MPPED1: variants seen among roughly 807,000 people sequenced by gnomAD.
MPPED1 encodes the protein metallophosphoesterase domain-containing protein 1.
A neutral mutation model predicts 36.2 loss-of-function variants in MPPED1; 16 were observed. The ratio of observed to expected loss-of-function variants is 0.44; its 90% CI spans 0.30 to 0.67. MPPED1 has a LOEUF of 0.67. Ranked by LOEUF, MPPED1 falls within the 30% of genes least tolerant of loss-of-function variation. MPPED1 has a pLI of 0.10. For synonymous variants in MPPED1, 199 were observed against 191.3 expected, an observed-to-expected ratio of 1.04 and a Z score of -0.33; for missense variants, 307 against 453.4, an observed-to-expected ratio of 0.68 and a Z score of 2.93.
At chr22:43,466,110 A>T (rs145474806) in intron 3 of MPPED1, among the ~76,000 whole-genome samples, 2 of 152,248 alleles carry the variant, frequency 1.3e-5, no homozygotes, top group African/African-American at 4.8e-5. Context: ...TCCTGTTTTT[A>T]AAACATTTCC....
intron 6 of MPPED1, among the ~76,000 whole-genome samples, chr22:43,504,975 A>G (rs1932779923): frequency 6.6e-6 from 1 of 150,722 alleles, no homozygotes; most frequent in Non-Finnish European, 1.5e-5. Flanking sequence ...GTGATGATAA[A>G]GGTAGTGATG....
chr22:43,472,767 A>G (rs1931419142), intron 3 of MPPED1, among the ~76,000 whole-genome samples: 1 of 147,886 alleles, frequency 6.8e-6, no homozygotes, highest in Non-Finnish European at 1.5e-5. Flanking sequence ...GGACCTGGCC[A>G]TTTGCCGTGG....
In MPPED1 at chr22:43,506,052, C is replaced by T. The variant is rs149763845; in HGVS notation, c.*436C>T. 122 of 161,918 alleles carry T rather than the reference C, an allele frequency of 7.5e-4. No individual in the cohort carries two copies. The highest frequency in any genetic ancestry group is 3.0e-3 in the Middle Eastern group (1 of 338). The allele number at this position is 161,918 out of a possible 1,614,324, so 10.0% of individuals were successfully genotyped here. A position where few individuals can be genotyped will look rare whatever the true frequency, so the allele number is the denominator to read the frequency against. ...CTGGGTTGGGGTGGGTGGGAGGATTCGTGAGCTGCACACAGACAGTCCCTT... is the reference window on the plus strand; with the variant it reads ...CTGGGTTGGGGTGGGTGGGAGGATTTGTGAGCTGCACACAGACAGTCCCTT... On this transcript the variant is annotated 3_prime_UTR_variant, in exon 7 of 7. Coordinates refer to ENST00000443721, the MANE Select transcript of MPPED1 (RefSeq NM_001044370.2).
chr22:43,450,109 G>A (rs559159527), intron 3 of MPPED1, among the ~76,000 whole-genome samples: 19 of 152,308 alleles, frequency 1.2e-4, no homozygotes, highest in African/African-American at 2.2e-4. Context: ...TTCTTCTCAC[G>A]TGTCAGTGAC....
At chr22:43,492,773 C>T (rs1427982567) in intron 4 of MPPED1, among the ~76,000 whole-genome samples, 4 of 152,128 alleles carry the variant, frequency 2.6e-5, no homozygotes, top group Non-Finnish European at 1.5e-5. Context: ...CAGCCCTCTT[C>T]CTCAAGGCCC....
At chr22:43,422,655 C>T (rs1871198767) in intron 1 of MPPED1, among the ~76,000 whole-genome samples, 1 of 152,076 alleles carries the variant, frequency 6.6e-6, no homozygotes, top group African/African-American at 2.4e-5. Flanking sequence ...CAAGGGTGTC[C>T]AGTACTCAGG....
intron 3 of MPPED1, among the ~76,000 whole-genome samples, chr22:43,458,613 C>T (rs1930838798): frequency 6.6e-6 from 1 of 152,120 alleles, no homozygotes; most frequent in Non-Finnish European, 1.5e-5. Flanking sequence ...ACCTGTGTAG[C>T]TACCTTTACC....
At chr22:43,444,688 A>C (rs1930274606) in intron 3 of MPPED1, among the ~76,000 whole-genome samples, 2 of 150,920 alleles carry the variant, frequency 1.3e-5, no homozygotes, top group African/African-American at 4.9e-5. Flanking sequence ...TTTTTTGAAG[A>C]CCATTATCCT....
chr22:43,432,428 AAGGGAGGAG>A (rs1929736675), intron 2 of MPPED1, among the ~76,000 whole-genome samples: 2 of 93,822 alleles, frequency 2.1e-5, no homozygotes, highest in African/African-American at 8.2e-5. Context: ...AGGAGAGAGA[AAGGGAGGAG>A]AGAAAGGGAG....
chr22:43,471,010 C>T (rs887546660), intron 3 of MPPED1, among the ~76,000 whole-genome samples: 1 of 152,308 alleles, frequency 6.6e-6, no homozygotes, highest in Admixed American at 6.5e-5. Context: ...GGGAGCTGGG[C>T]CTTGTGCCCC....
intron 1 of MPPED1, among the ~76,000 whole-genome samples, chr22:43,415,848 C>A (rs1459304229): frequency 6.6e-6 from 1 of 152,204 alleles, no homozygotes; most frequent in Non-Finnish European, 1.5e-5. Flanking sequence ...CTCCTCCTTC[C>A]AAGAAGGATG....
chr22:43,501,989 C>G (rs1274205887), intron 5 of MPPED1, among the ~76,000 whole-genome samples: 1 of 152,056 alleles, frequency 6.6e-6, no homozygotes, highest in African/African-American at 2.4e-5. Flanking sequence ...GCCATGAACC[C>G]TAATTGTTTG....
At chr22:43,457,865 A>T (rs1448899486) in intron 3 of MPPED1, among the ~76,000 whole-genome samples, 1 of 152,236 alleles carries the variant, frequency 6.6e-6, no homozygotes, top group South Asian at 2.1e-4. Flanking sequence ...TAAGCTCATT[A>T]ACACAGTTTT....
At chr22:43,477,407 C>G (rs1377149506) in intron 4 of MPPED1, among the ~76,000 whole-genome samples, 3 of 152,212 alleles carry the variant, frequency 2.0e-5, no homozygotes, top group Admixed American at 1.3e-4. Flanking sequence ...CCGGGGTGAG[C>G]AGATTGCCTG....
intron 4 of MPPED1, among the ~76,000 whole-genome samples, chr22:43,495,204 T>G (rs1172398275): frequency 7.3e-6 from 1 of 137,202 alleles, no homozygotes; most frequent in African/African-American, 2.8e-5. Context: ...ATGGAAGTGG[T>G]GATGGAAGTG....
intron 4 of MPPED1, among the ~76,000 whole-genome samples, chr22:43,486,689 A>G (rs1252587978): frequency 6.6e-6 from 1 of 151,870 alleles, no homozygotes; most frequent in Non-Finnish European, 1.5e-5. Flanking sequence ...CAGGCAGCAG[A>G]GTTGCCAGCA....
chr22:43,425,183 C>T lies in MPPED1; in HGVS notation c.198C>T (p.Gly66=). Residue 66 remains glycine, a synonymous_variant, in exon 2 of 7, where the codon GGC becomes GGT. Transcript: ENST00000443721. The stretch of plus-strand genomic sequence containing the variant: ...TCACCTTCTACAACATCAACCAGGG[C>T]CGCTTCCAGCCACCGCATGTGCAGA... ...QAFTFYNINQ[G]RFQPPHVQMV... is the part of the protein sequence containing the mutation. The T allele has an allele frequency of 6.2e-7, 1 of 1,607,228 alleles. No homozygotes were observed. The highest frequency in any genetic ancestry group is 8.5e-7 in the Non-Finnish European group (1 of 1,174,494).
intron 4 of MPPED1, among the ~76,000 whole-genome samples, chr22:43,497,072 G>T (rs1003257825): frequency 6.7e-6 from 1 of 148,460 alleles, no homozygotes; most frequent in Non-Finnish European, 1.5e-5. Flanking sequence ...GGTGGTGGAG[G>T]TGGTGGTGGA....
At chr22:43,419,642 G>A (rs1251017299) in intron 1 of MPPED1, among the ~76,000 whole-genome samples, 1 of 152,014 alleles carries the variant, frequency 6.6e-6, no homozygotes, top group Non-Finnish European at 1.5e-5. Context: ...GAATGGCACG[G>A]GCAGAGGTGA....
Sources: gnomAD v4.1 joint callset for allele counts (sites outside exome capture counted in the v4.1 genomes callset) on GRCh38, gnomAD v4.1.1 for gene constraint, MANE v1.5 for transcripts, NCBI Gene and HGNC (gene_info 2026-07-23, HGNC 2026-07-21) for gene names.